ASB3: variants seen among roughly 807,000 people sequenced by gnomAD.
ASB3 encodes ankyrin repeat and SOCS box protein 3.
Under a neutral mutation model 54.5 loss-of-function variants are expected in ASB3, and 41 were observed. That is an observed-to-expected ratio of 0.75 (90% CI 0.59 to 0.98). The LOEUF (loss-of-function observed/expected upper bound fraction) is 0.98. Among genes scored for constraint, ASB3 ranks in the 50% least tolerant of loss-of-function variants. ASB3 has a pLI of 0.00. For missense variants in ASB3, 733 were observed against 620.0 expected (o/e 1.18, Z -1.94); for synonymous variants, 266 against 221.2 (o/e 1.20, Z -1.80).
intron 5 of ASB3, among the ~76,000 whole-genome samples, chr2:53,720,532 C>T (rs929707829): frequency 6.6e-6 from 1 of 152,118 alleles, no homozygotes; most frequent in African/African-American, 2.4e-5. Flanking sequence ...GGGTTCAATT[C>T]AATGAGAAGA....
intron 1 of ASB3, among the ~76,000 whole-genome samples, chr2:53,781,175 G>C (rs922887906): frequency 1.3e-5 from 2 of 151,934 alleles, no homozygotes; most frequent in Non-Finnish European, 2.9e-5. Context: ...TGGGAGGCTT[G>C]AGGGGGCAAA....
intron 3 of ASB3, among the ~76,000 whole-genome samples, chr2:53,740,979 A>G (rs563083480): frequency 4.1e-4 from 63 of 152,354 alleles, no homozygotes; most frequent in East Asian, 3.3e-3. Flanking sequence ...TTCTAGGGCT[A>G]TAACACTGTA....
chr2:53,757,033 C>T (rs1672871097), intron 2 of ASB3: 2 of 164,678 alleles, frequency 1.2e-5, no homozygotes, highest in Non-Finnish European at 2.6e-5. Flanking sequence ...AAGAGGCTTG[C>T]CACCATCTTG....
chr2:53,740,769 C>G (rs1472807550), intron 3 of ASB3, among the ~76,000 whole-genome samples: 1 of 152,146 alleles, frequency 6.6e-6, no homozygotes, highest in African/African-American at 2.4e-5. Context: ...TTCTAACAGA[C>G]AGGGAGAAGT....
intron 1 of ASB3, chr2:53,774,512 T>C (rs777055430): frequency 6.5e-7 from 1 of 1,541,626 alleles, no homozygotes; most frequent in Admixed American, 2.2e-5. Context: ...AAACAGAACC[T>C]CAATTGCATA....
chr2:53,760,481 G>A (rs1428203107), intron 2 of ASB3, among the ~76,000 whole-genome samples: 2 of 152,144 alleles, frequency 1.3e-5, no homozygotes, highest in Non-Finnish European at 2.9e-5. Flanking sequence ...CTTACAGAAG[G>A]ACCCCTAGTA....
chr2:53,727,609 CT>C (rs1671075577), intron 5 of ASB3, among the ~76,000 whole-genome samples: 1 of 152,166 alleles, frequency 6.6e-6, no homozygotes, highest in African/African-American at 2.4e-5. Context: ...ATACTCTAGC[CT>C]GGGTGATGGA....
intron 7 of ASB3, among the ~76,000 whole-genome samples, chr2:53,701,850 A>G (rs1463773601): frequency 6.6e-6 from 1 of 152,212 alleles, no homozygotes; most frequent in Non-Finnish European, 1.5e-5. Flanking sequence ...TAAACACAAG[A>G]ACAATGGTAT....
At chr2:53,777,201 T>A (rs1242540648) in intron 1 of ASB3, among the ~76,000 whole-genome samples, 1 of 152,206 alleles carries the variant, frequency 6.6e-6, no homozygotes, top group East Asian at 1.9e-4. Flanking sequence ...TTCACAGAAA[T>A]TTTTTAACTA....
At chr2:53,763,972 C>A (rs1362373094) in intron 2 of ASB3, among the ~76,000 whole-genome samples, 2 of 152,022 alleles carry the variant, frequency 1.3e-5, no homozygotes, top group Non-Finnish European at 2.9e-5. Context: ...AAATTTCCTG[C>A]ATTATGATTT....
chr2:53,693,274 C>T (rs192716684), intron 9 of ASB3, among the ~76,000 whole-genome samples: 1 of 152,236 alleles, frequency 6.6e-6, no homozygotes, highest in Admixed American at 6.5e-5. Flanking sequence ...TCTTCCCCCA[C>T]TGTGTTTTCT....
chr2:53,783,960 T>C (rs1674794458), intron 1 of ASB3, among the ~76,000 whole-genome samples: 1 of 152,196 alleles, frequency 6.6e-6, no homozygotes, highest in African/African-American at 2.4e-5. Context: ...TAAACAGGTA[T>C]GCAACTGACT....
chr2:53,762,049 CTAA>C (rs1053904883), intron 2 of ASB3, among the ~76,000 whole-genome samples: 2 of 152,178 alleles, frequency 1.3e-5, no homozygotes, highest in Non-Finnish European at 2.9e-5. Context: ...AATGATCCCT[CTAA>C]TATATTGAGG....
chr2:53,754,720 G>A (rs1672720338), intron 2 of ASB3, among the ~76,000 whole-genome samples: 1 of 152,048 alleles, frequency 6.6e-6, no homozygotes, highest in Admixed American at 6.6e-5. Flanking sequence ...CTCTCAATAG[G>A]GTTCAATAGA....
intron 9 of ASB3, among the ~76,000 whole-genome samples, chr2:53,675,172 G>C (rs1668020385): frequency 6.6e-6 from 1 of 152,120 alleles, no homozygotes; most frequent in Non-Finnish European, 1.5e-5. Context: ...ATTTGCAAAA[G>C]CATTTCATAA....
At chr2:53,778,242 G>T (rs1181922932) in intron 1 of ASB3, among the ~76,000 whole-genome samples, 1 of 151,040 alleles carries the variant, frequency 6.6e-6, no homozygotes, top group Non-Finnish European at 1.5e-5. Context: ...TCCTATGTAA[G>T]CAAACTGAAG....
intron 9 of ASB3, among the ~76,000 whole-genome samples, chr2:53,689,411 A>C (rs1465701063): frequency 6.6e-6 from 1 of 152,226 alleles, no homozygotes; most frequent in East Asian, 1.9e-4. Context: ...TGTTCTTGCT[A>C]AAGAAAACAG....
chr2:53,719,033 GCCTCAGCCT>G (rs1276868847), intron 5 of ASB3, among the ~76,000 whole-genome samples: 1 of 152,116 alleles, frequency 6.6e-6, no homozygotes, highest in Non-Finnish European at 1.5e-5. Flanking sequence ...CAATTCTCCT[GCCTCAGCCT>G]CCCGAGTAGC....
intron 5 of ASB3, among the ~76,000 whole-genome samples, chr2:53,722,760 T>A (rs1389155638): frequency 6.6e-6 from 1 of 152,136 alleles, no homozygotes; most frequent in Non-Finnish European, 1.5e-5. Context: ...GCTGGAAGCA[T>A]TCTCCTAGAG....
Sources: allele counts gnomAD v4.1 joint callset (sites outside exome capture counted in the v4.1 genomes callset), GRCh38; gene constraint gnomAD v4.1.1; transcripts MANE v1.5; gene names NCBI Gene and HGNC (gene_info 2026-07-23, HGNC 2026-07-21).